GRIN2A: variants seen among roughly 807,000 people sequenced by gnomAD.
GRIN2A encodes glutamate receptor ionotropic, NMDA 2A.
GRIN2A carries 22 observed loss-of-function variants against 113.4 expected under a neutral mutation model. The observed-to-expected ratio is 0.19, with a 90% CI of 0.14 to 0.28. GRIN2A has a LOEUF of 0.28. Among genes scored for constraint, GRIN2A ranks in the 10% least tolerant of loss-of-function variants. The pLI, the probability that GRIN2A is intolerant of heterozygous loss-of-function variation, is 1.00. For synonymous variants in GRIN2A, 827 were observed against 738.4 expected (o/e 1.12, Z -1.94); for missense variants, 1,502 against 1,887.0 (o/e 0.80, Z 3.78).
intron 2 of GRIN2A, among the ~76,000 whole-genome samples, chr16:10,019,467 G>C (rs894118773): frequency 3.3e-5 from 5 of 152,186 alleles, no homozygotes; most frequent in Non-Finnish European, 7.3e-5. Flanking sequence ...ATTTCAAAGA[G>C]GGAAGCTAAA....
At chr16:9,949,323 G>C (rs1447518835) in intron 2 of GRIN2A, among the ~76,000 whole-genome samples, 1 of 152,202 alleles carries the variant, frequency 6.6e-6, no homozygotes, top group East Asian at 1.9e-4. Context: ...ACGAATGCAT[G>C]GATGGATGGA....
intron 2 of GRIN2A, among the ~76,000 whole-genome samples, chr16:10,122,504 C>T (rs538413739): frequency 2.2e-4 from 34 of 152,228 alleles, no homozygotes; most frequent in African/African-American, 8.2e-4. Flanking sequence ...TTTTGAAGGT[C>T]ATTAGAGGCA....
At chr16:9,945,795 A>C (rs138600197) in intron 2 of GRIN2A, among the ~76,000 whole-genome samples, 1 of 152,288 alleles carries the variant, frequency 6.6e-6, no homozygotes, top group Admixed American at 6.5e-5. Flanking sequence ...AGGCTTTCCC[A>C]TAACACTTGC....
intron 2 of GRIN2A, among the ~76,000 whole-genome samples, chr16:10,021,348 A>C (rs796289123): frequency 3.3e-5 from 5 of 152,254 alleles, no homozygotes; most frequent in African/African-American, 9.6e-5. Context: ...GGAATCTACT[A>C]TTGTTCCCAT....
At chr16:10,129,607 G>C (rs1463413588) in intron 2 of GRIN2A, among the ~76,000 whole-genome samples, 1 of 152,176 alleles carries the variant, frequency 6.6e-6, no homozygotes, top group Non-Finnish European at 1.5e-5. Context: ...AAGTGCAAAG[G>C]TGAGTGTGAG....
chr16:9,999,852 G>T (rs1327428133), intron 2 of GRIN2A, among the ~76,000 whole-genome samples: 3 of 152,092 alleles, frequency 2.0e-5, no homozygotes, highest in Non-Finnish European at 4.4e-5. Flanking sequence ...CAAGCACAAC[G>T]ACTTAGAATA....
chr16:10,076,410 G>C (rs1319517283), intron 2 of GRIN2A, among the ~76,000 whole-genome samples: 1 of 152,188 alleles, frequency 6.6e-6, no homozygotes, highest in African/African-American at 2.4e-5. Context: ...AGTGGCGACG[G>C]TGGGGACCTA....
intron 2 of GRIN2A, chr16:10,121,238 A>T (rs1331972668): frequency 6.6e-6 from 1 of 152,530 alleles, no homozygotes; most frequent in Non-Finnish European, 1.5e-5. Flanking sequence ...AGGAAGGATT[A>T]AACCACTTCC....
In GRIN2A at chr16:9,763,287, G is replaced by T. The variant is rs1900673388; in HGVS notation, c.4257C>A (p.His1419Gln). The T allele has an allele frequency of 4.3e-6, 7 of 1,613,908 alleles. No homozygotes were observed. Among genetic ancestry groups the T allele is most frequent in the Non-Finnish European group, 5.9e-6 (7 of 1,180,002 alleles). The change falls in exon 13 of 13, where the codon CAC (histidine) becomes CAA (glutamine). Residue 1419 changes from histidine (H) to glutamine (Q), a missense_variant. His to Gln is a conservative substitution (Grantham distance 24). This residue lies in a region of GRIN2A where 832 missense variants were observed against 789.7 expected (regional missense o/e 1.05). Coordinates refer to ENST00000330684, the MANE Select transcript of GRIN2A (RefSeq NM_001134407.3). ...CATGCTCCGAAATATACACATCATT[G>T]TGGCCCCGACTGTCCCTGGAACAGT... ...ASYCSRDSRG[H>Q]NDVYISEHVM...
Position 9,825,032 on chromosome 16 carries a change from CAG to C in GRIN2A, c.2008-2610_2008-2609del, listed in dbSNP as rs536265436. Among the ~76,000 whole-genome samples, 1,067 of 152,212 alleles carry C rather than the reference CAG, an allele frequency of 7.0e-3. 9 individuals carry two copies. The highest frequency in any genetic ancestry group is 8.5e-3 in the Non-Finnish European group (580 of 68,006). ...GGCTTTAGCAAAGGAAGGGGTAGGA[CAG>C]AGGTCTCCATTGTCAGCAAGACCAC... is the stretch of plus-strand genomic sequence containing the variant. On this transcript the variant is annotated intron_variant, in intron 9 of 12. Transcript: ENST00000330684.
At chr16:9,821,005 T>C (rs1427944282) in intron 10 of GRIN2A, among the ~76,000 whole-genome samples, 1 of 152,116 alleles carries the variant, frequency 6.6e-6, no homozygotes, top group Non-Finnish European at 1.5e-5. Flanking sequence ...GACAGAATGC[T>C]CACAGCCAAA....
chr16:10,011,619 C>T (rs1476551936), intron 2 of GRIN2A, among the ~76,000 whole-genome samples: 1 of 152,188 alleles, frequency 6.6e-6, no homozygotes, highest in Non-Finnish European at 1.5e-5. Context: ...CCTAGAGAGG[C>T]TCTCCTTATT....
intron 3 of GRIN2A, among the ~76,000 whole-genome samples, chr16:9,892,711 C>T (rs760635949): frequency 1.3e-5 from 2 of 152,148 alleles, no homozygotes; most frequent in Non-Finnish European, 2.9e-5. Context: ...AGGCAGACTT[C>T]ATCTCCCAGA....
At chr16:9,928,566 C>T (rs993128573) in intron 3 of GRIN2A, among the ~76,000 whole-genome samples, 1 of 151,936 alleles carries the variant, frequency 6.6e-6, no homozygotes. Flanking sequence ...CTCCAGACCC[C>T]AAAAGCTCCA....
At chr16:10,047,127 A>T (rs1331169365) in intron 2 of GRIN2A, among the ~76,000 whole-genome samples, 1 of 152,250 alleles carries the variant, frequency 6.6e-6, no homozygotes, top group Non-Finnish European at 1.5e-5. Flanking sequence ...CTTCACATTG[A>T]AAACCATTGG....
chr16:9,973,356 T>A (rs2045711087), intron 2 of GRIN2A, among the ~76,000 whole-genome samples: 1 of 152,166 alleles, frequency 6.6e-6, no homozygotes, highest in Non-Finnish European at 1.5e-5. Flanking sequence ...GGCCTACACC[T>A]CCGCCCAGGA....
chr16:10,057,202 G>A (rs1165353906), intron 2 of GRIN2A, among the ~76,000 whole-genome samples: 4 of 152,212 alleles, frequency 2.6e-5, no homozygotes, highest in East Asian at 3.8e-4. Flanking sequence ...GACAACAGTA[G>A]TAGCACGATA....
At chr16:9,855,583 T>C (rs1032290019) in intron 4 of GRIN2A, among the ~76,000 whole-genome samples, 3 of 152,176 alleles carry the variant, frequency 2.0e-5, no homozygotes, top group African/African-American at 7.2e-5. Flanking sequence ...CTCTAAGGTC[T>C]TTCAGGTATA....
intron 11 of GRIN2A, among the ~76,000 whole-genome samples, chr16:9,773,513 C>T (rs938389272): frequency 6.6e-6 from 1 of 152,164 alleles, no homozygotes; most frequent in African/African-American, 2.4e-5. Context: ...CTGAAGCAGA[C>T]TCATTCTTGC....
Sources: gnomAD v4.1 joint callset for allele counts (sites outside exome capture counted in the v4.1 genomes callset) on GRCh38, gnomAD v4.1.1 for gene constraint, gnomAD v4.1.1 regional missense constraint, MANE v1.5 for transcripts, NCBI Gene and HGNC (gene_info 2026-07-23, HGNC 2026-07-21) for gene names.